The following ENTREP2 variants were observed in gnomAD, a reference collection of about 807,000 sequenced individuals.
The protein encoded by ENTREP2 is protein ENTREP2.
chr15:29,493,682 A>G, the ENTREP2 span, among the ~76,000 whole-genome samples: 4 of 152,076 alleles, frequency 2.6e-5, no homozygotes, highest in African/African-American at 9.7e-5. Context: ...TAGAGATAAT[A>G]AAAGCATTCC....
chr15:29,171,204 C>A, the ENTREP2 span, among the ~76,000 whole-genome samples: 1 of 152,318 alleles, frequency 6.6e-6, no homozygotes, highest in African/African-American at 2.4e-5. Flanking sequence ...AACATATGAA[C>A]TTTTGGGGGA....
At chr15:29,402,292 T>TTTTGTGTGTG in the ENTREP2 span, among the ~76,000 whole-genome samples, 38 of 131,762 alleles carry the variant, frequency 2.9e-4, no homozygotes, top group Admixed American at 9.7e-4. Flanking sequence ...GTATATTGTA[T>TTTTGTGTGTG]TGTGTGTGTG....
At chr15:29,221,599 C>T in the ENTREP2 span, among the ~76,000 whole-genome samples, 5 of 152,136 alleles carry the variant, frequency 3.3e-5, no homozygotes, top group South Asian at 2.1e-4. Context: ...TCTTATCACA[C>T]GAGAGACATG....
At chr15:29,273,096 C>A in the ENTREP2 span, among the ~76,000 whole-genome samples, 2 of 152,136 alleles carry the variant, frequency 1.3e-5, no homozygotes, top group African/African-American at 4.8e-5. Context: ...ATTCGGGGTC[C>A]CCTTGGCCAA....
At chr15:29,142,917 T>C in the ENTREP2 span, among the ~76,000 whole-genome samples, 1 of 152,340 alleles carries the variant, frequency 6.6e-6, no homozygotes, top group East Asian at 1.9e-4. Flanking sequence ...AAACCTTTTC[T>C]GCTAAATGAT....
chr15:29,430,396 C>T, the ENTREP2 span, among the ~76,000 whole-genome samples: 1 of 152,192 alleles, frequency 6.6e-6, no homozygotes, highest in Non-Finnish European at 1.5e-5. Context: ...GACGTGTACT[C>T]GCCAGGCAGA....
chr15:29,130,786 C>G, the ENTREP2 span, among the ~76,000 whole-genome samples: 1 of 152,164 alleles, frequency 6.6e-6, no homozygotes, highest in Admixed American at 6.5e-5. Context: ...CCTTGCCACG[C>G]TAAGCCATGG....
At chr15:29,399,123 A>T in the ENTREP2 span, among the ~76,000 whole-genome samples, 2 of 152,210 alleles carry the variant, frequency 1.3e-5, no homozygotes, top group African/African-American at 4.8e-5. Context: ...GCAAGGAAGC[A>T]GGGCTGAGTC....
the ENTREP2 span, among the ~76,000 whole-genome samples, chr15:29,559,921 C>T: frequency 1.3e-5 from 2 of 152,222 alleles, no homozygotes; most frequent in African/African-American, 4.8e-5. Context: ...AACCCATATT[C>T]AACCTACCCA....
At chr15:29,619,947 G>A in the ENTREP2 span, among the ~76,000 whole-genome samples, 2 of 152,078 alleles carry the variant, frequency 1.3e-5, no homozygotes, top group African/African-American at 4.8e-5. Context: ...ACTCTAACTG[G>A]AGGATCCATT....
At chr15:29,342,725 T>G in the ENTREP2 span, among the ~76,000 whole-genome samples, 1 of 152,208 alleles carries the variant, frequency 6.6e-6, no homozygotes, top group African/African-American at 2.4e-5. Flanking sequence ...TTGTAATTTC[T>G]GTTACCACGA....
At chr15:29,354,165 T>C in the ENTREP2 span, among the ~76,000 whole-genome samples, 4 of 152,188 alleles carry the variant, frequency 2.6e-5, no homozygotes, top group African/African-American at 9.7e-5. Context: ...TCTCTCCCCT[T>C]GAGCTGGAAC....
chr15:29,301,644 T>C, the ENTREP2 span, among the ~76,000 whole-genome samples: 154 of 152,322 alleles, frequency 1.0e-3, no homozygotes, highest in African/African-American at 3.7e-3. Flanking sequence ...CCAATGGAAG[T>C]AGCATTTTGG....
At chr15:29,335,691 T>C in the ENTREP2 span, among the ~76,000 whole-genome samples, 1 of 152,102 alleles carries the variant, frequency 6.6e-6, no homozygotes, top group Non-Finnish European at 1.5e-5. Context: ...TCAGCCACCT[T>C]GGGGTCAGCC....
At chr15:29,325,898 A>G in the ENTREP2 span, among the ~76,000 whole-genome samples, 1 of 152,156 alleles carries the variant, frequency 6.6e-6, no homozygotes, top group African/African-American at 2.4e-5. Flanking sequence ...CTTCAACCCA[A>G]TGGGATTTAT....
chr15:29,649,373 A>AT, the ENTREP2 span, among the ~76,000 whole-genome samples: 1 of 151,946 alleles, frequency 6.6e-6, no homozygotes. Flanking sequence ...ACATGAATAG[A>AT]TTTTTTTACA....
chr15:29,568,579 C>T, the ENTREP2 span, among the ~76,000 whole-genome samples: 2 of 152,008 alleles, frequency 1.3e-5, no homozygotes, highest in Non-Finnish European at 2.9e-5. Context: ...TGGTACACAC[C>T]TGTAGTCCTA....
At chr15:29,423,783 G>A in the ENTREP2 span, among the ~76,000 whole-genome samples, 1 of 151,774 alleles carries the variant, frequency 6.6e-6, no homozygotes, top group Non-Finnish European at 1.5e-5. Context: ...GGGCGACAGC[G>A]AGACTCCGTC....
At chr15:29,257,477 A>G in the ENTREP2 span, among the ~76,000 whole-genome samples, 2 of 152,180 alleles carry the variant, frequency 1.3e-5, no homozygotes, top group Non-Finnish European at 1.5e-5. Context: ...CCTTGTTCAT[A>G]TATCTTTTTA....
Sources: gnomAD v4.1 joint callset for allele counts (sites outside exome capture counted in the v4.1 genomes callset) on GRCh38, gnomAD v4.1.1 for gene constraint, MANE v1.5 for transcripts, NCBI Gene and HGNC (gene_info 2026-07-23, HGNC 2026-07-21) for gene names.